The following ELMO1 variants were observed in gnomAD, a reference collection of about 807,000 sequenced individuals.
ELMO1 encodes engulfment and cell motility protein 1.
ELMO1 carries 26 observed loss-of-function variants against 98.9 expected under a neutral mutation model. The ratio of observed to expected loss-of-function variants is 0.26; its 90% CI spans 0.19 to 0.36. ELMO1 has a LOEUF of 0.36. Ranked by LOEUF, ELMO1 falls within the 10% of genes least tolerant of loss-of-function variation. ELMO1 has a pLI of 1.00. For missense variants in ELMO1, 627 were observed against 935.2 expected (o/e 0.67, Z 4.30); for synonymous variants, 346 against 346.0 (o/e 1.00, Z 0.00).
At chr7:36,906,718 G>T (rs564008752) in intron 16 of ELMO1, among the ~76,000 whole-genome samples, 2 of 151,910 alleles carry the variant, frequency 1.3e-5, no homozygotes, top group Non-Finnish European at 2.9e-5. Flanking sequence ...TTGAGCCCAG[G>T]CTGCAAGTGA....
Position 37,224,993 on chromosome 7 carries a change from G to C in ELMO1, c.587C>G (p.Ser196Trp). Residue 196 changes from serine to tryptophan, a missense_variant, in exon 9 of 22, where the codon TCG becomes TGG. Ser to Trp is a radical substitution (Grantham distance 177, BLOSUM62 -3). Coordinates refer to ENST00000310758, the MANE Select transcript of ELMO1 (RefSeq NM_014800.11). The stretch of plus-strand genomic sequence containing the variant: ...AATGGCCAAGGACCGCTGCAGGATC[G>C]AGATGTCTATGGCTGACTTGTTCAC... ...SFVNKSAIDISILQRSLAILE... is the reference protein window; with the variant it reads ...SFVNKSAIDIWILQRSLAILE... The C allele has an allele frequency of 6.2e-7, 1 of 1,614,112 alleles. No homozygotes were observed. Among genetic ancestry groups the C allele is most frequent in the Non-Finnish European group, 8.5e-7 (1 of 1,179,992 alleles).
intron 3 of ELMO1, 100 bp downstream of exon 3, chr7:37,315,820 G>T: frequency 9.3e-7 from 1 of 1,073,312 alleles, no homozygotes; most frequent in Non-Finnish European, 1.4e-6. Context: ...AAGTCAGTGG[G>T]TGACTTATGA....
intron 1 of ELMO1, among the ~76,000 whole-genome samples, chr7:37,403,442 A>AG (rs370265249): frequency 4.7e-4 from 72 of 152,292 alleles, no homozygotes; most frequent in African/African-American, 1.7e-3. Context: ...GGAGGACGGT[A>AG]GGGGGGTGCA....
At position 36,968,961 on chromosome 7, in the gene ELMO1, T is replaced by C. The variant is rs192783669; in HGVS notation, c.1437+44338A>G. 9.1e-4 allele frequency among the ~76,000 whole-genome samples: 139 copies of C among 152,248 alleles called. 2 individuals carry two copies. Among genetic ancestry groups the C allele is most frequent in the Non-Finnish European group, 3.7e-4 (25 of 67,998 alleles). On this transcript the variant is annotated intron_variant, in intron 16 of 21. Coordinates refer to ENST00000310758, the MANE Select transcript of ELMO1 (RefSeq NM_014800.11). ...GCATGTGATGTTCTCACTGTCATCA[T>C]TTTTGTAATCTTTAGTAGTAGTTTA...
chr7:37,247,013 ACTTTTT>A (rs1465237254), intron 6 of ELMO1, among the ~76,000 whole-genome samples: 1 of 152,142 alleles, frequency 6.6e-6, no homozygotes, highest in Admixed American at 6.5e-5. Flanking sequence ...TGCTCTTTTG[ACTTTTT>A]CTTTAAAGTT....
At chr7:37,306,217 T>C (rs888697514) in intron 4 of ELMO1, among the ~76,000 whole-genome samples, 1 of 152,096 alleles carries the variant, frequency 6.6e-6, no homozygotes, top group African/African-American at 2.4e-5. Flanking sequence ...ATCTAGTACC[T>C]GAAATAATAG....
intron 16 of ELMO1, among the ~76,000 whole-genome samples, chr7:37,003,853 A>T (rs985421490): frequency 3.3e-5 from 5 of 151,870 alleles, no homozygotes; most frequent in African/African-American, 1.2e-4. Context: ...CCACTCTCTC[A>T]CTCTGACTGC....
chr7:37,368,759 C>T (rs754552984), intron 1 of ELMO1, among the ~76,000 whole-genome samples: 21 of 152,214 alleles, frequency 1.4e-4, no homozygotes, highest in African/African-American at 4.8e-4. Context: ...ACCTTCCTGA[C>T]ACCTCCCTCA....
intron 15 of ELMO1, among the ~76,000 whole-genome samples, chr7:37,076,890 T>C (rs1326775360): frequency 6.6e-6 from 1 of 152,254 alleles, no homozygotes; most frequent in Admixed American, 6.5e-5. Flanking sequence ...AGGCTGTGTA[T>C]CTGGCACTGC....
chr7:37,209,113 C>T (rs538956733), intron 13 of ELMO1, among the ~76,000 whole-genome samples: 40 of 152,068 alleles, frequency 2.6e-4, no homozygotes, highest in African/African-American at 9.4e-4. Flanking sequence ...AAGGAATTAA[C>T]AAGAATGTTA....
At chr7:37,308,892 CA>C (rs1798750634) in intron 4 of ELMO1, among the ~76,000 whole-genome samples, 1 of 151,974 alleles carries the variant, frequency 6.6e-6, no homozygotes, top group African/African-American at 2.4e-5. Context: ...GGTCATCAGG[CA>C]AAAAGGAAAT....
Position 36,855,773 on chromosome 7 carries a change from G to A in ELMO1, c.1984-22C>T. On this transcript the variant is annotated intron_variant, in intron 21 of 21. Transcript: ENST00000310758. This position sits in a 1 kb window ranked among gnomAD's most constrained non-coding sequence, Gnocchi z 4.2. ...AGTACTGGCAGGAAGGGAGGCAACA[G>A]CGATCATTACTGGTGGCAATTACAG... 1 of 1,613,604 alleles carries A rather than the reference G, an allele frequency of 6.2e-7. No individual in the cohort carries two copies. The highest frequency in any genetic ancestry group is 8.5e-7 in the Non-Finnish European group (1 of 1,179,732).
intron 16 of ELMO1, among the ~76,000 whole-genome samples, chr7:36,903,305 C>T (rs1333082862): frequency 6.6e-6 from 1 of 152,202 alleles, no homozygotes; most frequent in East Asian, 1.9e-4. Context: ...ACCTGCTGCA[C>T]TTCAGCCAAA....
At chr7:37,077,236 G>A (rs1038153447) in intron 15 of ELMO1, among the ~76,000 whole-genome samples, 1 of 152,248 alleles carries the variant, frequency 6.6e-6, no homozygotes, top group Non-Finnish European at 1.5e-5. Context: ...AGTGTGAGAT[G>A]TGCCTCAACA....
intron 7 of ELMO1, among the ~76,000 whole-genome samples, chr7:37,234,731 T>C (rs572677426): frequency 6.6e-6 from 1 of 152,324 alleles, no homozygotes; most frequent in South Asian, 2.1e-4. Context: ...TCAGAGATTT[T>C]TGGAGAAATG....
chr7:37,101,439 C>T (rs1038343212), intron 14 of ELMO1, among the ~76,000 whole-genome samples: 3 of 152,056 alleles, frequency 2.0e-5, no homozygotes, highest in African/African-American at 4.8e-5. Flanking sequence ...TTCTCTTGGC[C>T]CCGAAGAAGG....
At chr7:36,893,199 C>T (rs1481970268) in intron 17 of ELMO1, among the ~76,000 whole-genome samples, 1 of 152,188 alleles carries the variant, frequency 6.6e-6, no homozygotes, top group Non-Finnish European at 1.5e-5. Flanking sequence ...AAGTGTCCTA[C>T]GTTTATACAT....
At chr7:37,178,594 C>G (rs908167931) in intron 13 of ELMO1, among the ~76,000 whole-genome samples, 4 of 140,358 alleles carry the variant, frequency 2.8e-5, no homozygotes, top group African/African-American at 1.1e-4. Context: ...AAAGCCAGAC[C>G]CTGTCTCAAA....
chr7:37,092,516 C>A (rs1167816846), intron 15 of ELMO1, among the ~76,000 whole-genome samples: 2 of 151,630 alleles, frequency 1.3e-5, no homozygotes, highest in Admixed American at 6.6e-5. Context: ...GTAGCTGGGA[C>A]TACAGGCACC....
Sources: gnomAD v4.1 joint callset for allele counts (sites outside exome capture counted in the v4.1 genomes callset) on GRCh38, gnomAD v4.1.1 for gene constraint, Gnocchi (gnomAD v3.1) non-coding constraint, MANE v1.5 for transcripts, NCBI Gene and HGNC (gene_info 2026-07-23, HGNC 2026-07-21) for gene names.